ARID4B: variants seen among roughly 807,000 people sequenced by gnomAD.
ARID4B encodes the protein AT-rich interaction domain 4B, also known as AT-rich interactive domain-containing protein 4B.
In ARID4B, 26 loss-of-function variants were observed where a neutral mutation model predicts 147.5. The ratio of observed to expected loss-of-function variants is 0.18; its 90% CI spans 0.13 to 0.24. The LOEUF (loss-of-function observed/expected upper bound fraction) is 0.24. Among genes scored for constraint, ARID4B ranks in the 10% least tolerant of loss-of-function variants. The pLI is 1.00. For synonymous variants in ARID4B, 512 were observed against 507.9 expected, an observed-to-expected ratio of 1.01 and a Z score of -0.11; for missense variants, 1,179 against 1,511.5, an observed-to-expected ratio of 0.78 and a Z score of 3.65.
chr1:235,265,406 A>AT (rs1670539960), intron 2 of ARID4B, among the ~76,000 whole-genome samples: 2 of 151,946 alleles, frequency 1.3e-5, no homozygotes, highest in South Asian at 4.2e-4. Context: ...AATTAAGAGT[A>AT]TAGGTTCCCA....
chr1:235,291,249 A>T (rs954909243), intron 2 of ARID4B, among the ~76,000 whole-genome samples: 3 of 151,748 alleles, frequency 2.0e-5, no homozygotes, highest in African/African-American at 7.3e-5. Context: ...AAAAAAAATT[A>T]AAAATAAATT....
At chr1:235,181,391 A>C (rs2102922177) in intron 20 of ARID4B, 194 bp downstream of exon 20, 1 of 815,960 alleles carries the variant, frequency 1.2e-6, no homozygotes, top group Non-Finnish European at 1.8e-6. Context: ...AGCAAAGCAC[A>C]TTAAAGCCTT....
chr1:235,300,381 C>T (rs1454580626), intron 2 of ARID4B, among the ~76,000 whole-genome samples: 1 of 151,308 alleles, frequency 6.6e-6, no homozygotes, highest in African/African-American at 2.4e-5. Context: ...CATGCCACTG[C>T]ACTCCAGCCT....
rs1263656920 is a variant in ARID4B at position 235,167,069 on chromosome 1, T to C, written c.*1456A>G. 2.2e-5 allele frequency: 4 copies of C among 185,142 alleles called. No individual in the cohort carries two copies. Among genetic ancestry groups the C allele is most frequent in the South Asian group, 2.0e-4 (1 of 5,110 alleles). The allele number at this position is 185,142 out of a possible 1,614,324, so 11.5% of individuals were successfully genotyped here. On this transcript the variant is annotated 3_prime_UTR_variant, in exon 24 of 24. Transcript: ENST00000264183. Reference sequence around the variant, plus strand: ...CAAATCTTTACAGTCCTGTACAAATTTGAATAACTTGAAACCATTTTCAAC... The same window carrying C: ...CAAATCTTTACAGTCCTGTACAAATCTGAATAACTTGAAACCATTTTCAAC...
At chr1:235,177,023 C>T (rs946938237) in intron 21 of ARID4B, 7 of 449,290 alleles carry the variant, frequency 1.6e-5, no homozygotes, top group African/African-American at 6.1e-5. Context: ...TGCACGGAGT[C>T]GTTGCTAAAG....
intron 14 of ARID4B, 124 bp downstream of exon 14, chr1:235,221,441 T>C (rs897732636): frequency 3.5e-6 from 2 of 572,638 alleles, no homozygotes; most frequent in Non-Finnish European, 6.1e-6. Flanking sequence ...TATCATAGAA[T>C]GACTACTCTA....
At chr1:235,297,826 A>C (rs776929252) in intron 2 of ARID4B, among the ~76,000 whole-genome samples, 1 of 152,232 alleles carries the variant, frequency 6.6e-6, no homozygotes, top group Non-Finnish European at 1.5e-5. Context: ...CTACAGGTTA[A>C]ATAACAGTTT....
At chr1:235,322,389 T>C (rs1674903491) in intron 2 of ARID4B, among the ~76,000 whole-genome samples, 1 of 152,258 alleles carries the variant, frequency 6.6e-6, no homozygotes, top group Non-Finnish European at 1.5e-5. Context: ...CCCAAACATA[T>C]CATGCTTTAA....
At chr1:235,258,483 GA>G (rs1572095580) in intron 3 of ARID4B, among the ~76,000 whole-genome samples, 1 of 152,166 alleles carries the variant, frequency 6.6e-6, no homozygotes, top group Non-Finnish European at 1.5e-5. Context: ...CAGAGAATGG[GA>G]AACCAGAGGT....
intron 2 of ARID4B, among the ~76,000 whole-genome samples, chr1:235,276,089 G>C (rs1244109238): frequency 6.7e-6 from 1 of 148,314 alleles, no homozygotes; most frequent in Non-Finnish European, 1.5e-5. Context: ...AGCAAGCTGT[G>C]ATCACACCAT....
chr1:235,294,406 G>A (rs1163913697), intron 2 of ARID4B, among the ~76,000 whole-genome samples: 1 of 123,130 alleles, frequency 8.1e-6, no homozygotes, highest in Non-Finnish European at 1.7e-5. Flanking sequence ...TCCGCCTCCC[G>A]GGTTCAAGCA....
intron 19 of ARID4B, among the ~76,000 whole-genome samples, chr1:235,184,353 GT>G (rs1664526353): frequency 1.3e-5 from 2 of 151,578 alleles, no homozygotes; most frequent in South Asian, 4.2e-4. Flanking sequence ...CGAGATACAT[GT>G]TATCAGCCCC....
chr1:235,287,455 T>C (rs1466453594), intron 2 of ARID4B, among the ~76,000 whole-genome samples: 8 of 152,150 alleles, frequency 5.3e-5, no homozygotes, highest in South Asian at 2.1e-4. Flanking sequence ...AACAGTCTCA[T>C]TGTGTGTTCT....
chr1:235,268,134 T>C (rs148766253), intron 2 of ARID4B, among the ~76,000 whole-genome samples: 58 of 152,034 alleles, frequency 3.8e-4, no homozygotes, highest in African/African-American at 1.2e-3. Context: ...GAGAGCTGAA[T>C]AGGGACAGAG....
At chr1:235,190,385 C>A (rs764297518) in intron 19 of ARID4B, among the ~76,000 whole-genome samples, 7 of 151,824 alleles carry the variant, frequency 4.6e-5, no homozygotes, top group Non-Finnish European at 1.0e-4. Flanking sequence ...GAGGCAGAGG[C>A]TGCAGTAAGC....
intron 2 of ARID4B, among the ~76,000 whole-genome samples, chr1:235,326,492 G>A (rs1361450164): frequency 6.6e-6 from 1 of 152,152 alleles, no homozygotes; most frequent in Non-Finnish European, 1.5e-5. Context: ...TTTTTGTGAC[G>A]AGTCAAAGAG....
chr1:235,257,148 T>TAC lies in ARID4B; in HGVS notation c.183+10_183+11dup. The TAC allele has an allele frequency of 1.9e-6, 3 of 1,582,704 alleles. No homozygotes were observed. In the South Asian group the frequency reaches 3.3e-5, roughly 18 times the overall value. On this transcript the variant is annotated intron_variant, in intron 4 of 23. Transcript: ENST00000264183. ...AACAACCATTAGAATTAACAATGAA[T>TAC]ACATGAATTACCTTTAGTGGGCCCT...
chr1:235,290,684 T>C (rs981996575), intron 2 of ARID4B, among the ~76,000 whole-genome samples: 1 of 152,172 alleles, frequency 6.6e-6, no homozygotes, highest in African/African-American at 2.4e-5. Context: ...AGGAAACTGG[T>C]TGTTTGCAGC....
chr1:235,321,975 C>CTGGG (rs1327534258), intron 2 of ARID4B, among the ~76,000 whole-genome samples: 1 of 152,130 alleles, frequency 6.6e-6, no homozygotes, highest in Non-Finnish European at 1.5e-5. Context: ...CCTCCAGCTC[C>CTGGG]TGGGTTCAAG....
Sources: allele counts gnomAD v4.1 joint callset (sites outside exome capture counted in the v4.1 genomes callset), GRCh38; gene constraint gnomAD v4.1.1; transcripts MANE v1.5; gene names NCBI Gene and HGNC (gene_info 2026-07-23, HGNC 2026-07-21).